Variants in NCAM2 observed in about 807,000 individuals in gnomAD.
The protein encoded by NCAM2 is neural cell adhesion molecule 2.
A neutral mutation model predicts 98.1 loss-of-function variants in NCAM2; 30 were observed. The observed-to-expected ratio is 0.31, with a 90% CI of 0.23 to 0.41. NCAM2 has a LOEUF of 0.41. NCAM2 is among the 10% of genes least tolerant of loss of function. NCAM2 has a pLI of 1.00. For synonymous variants in NCAM2, 368 were observed against 342.4 expected, an observed-to-expected ratio of 1.07 and a Z score of -0.83; for missense variants, 867 against 1,005.8, an observed-to-expected ratio of 0.86 and a Z score of 1.87.
At chr21:21,354,129 C>G (rs2075411020) in intron 8 of NCAM2, among the ~76,000 whole-genome samples, 1 of 152,108 alleles carries the variant, frequency 6.6e-6, no homozygotes, top group Non-Finnish European at 1.5e-5. Context: ...ATTATATCAT[C>G]TAGCAGATGA....
intron 9 of NCAM2, among the ~76,000 whole-genome samples, chr21:21,397,460 G>A (rs937389239): frequency 2.0e-5 from 3 of 152,168 alleles, no homozygotes; most frequent in Non-Finnish European, 2.9e-5. Context: ...GGTGCCCAAT[G>A]TCCAGAGGGG....
At chr21:21,291,215 G>A (rs763571387) in intron 4 of NCAM2, among the ~76,000 whole-genome samples, 1 of 151,862 alleles carries the variant, frequency 6.6e-6, no homozygotes, top group Non-Finnish European at 1.5e-5. Context: ...GAGATCTATG[G>A]ATGTGTTAAT....
intron 16 of NCAM2, among the ~76,000 whole-genome samples, chr21:21,528,070 A>G (rs1989425899): frequency 6.6e-6 from 1 of 152,130 alleles, no homozygotes; most frequent in African/African-American, 2.4e-5. Flanking sequence ...GATGATTATT[A>G]CTAAGTGAAA....
intron 1 of NCAM2, among the ~76,000 whole-genome samples, chr21:21,020,604 C>T (rs1487360575): frequency 3.9e-5 from 6 of 152,204 alleles, no homozygotes; most frequent in Non-Finnish European, 5.9e-5. Context: ...TCAGCTCCCA[C>T]TGATCCAGTC....
chr21:21,056,494 G>T (rs983663750), intron 1 of NCAM2, among the ~76,000 whole-genome samples: 9 of 144,128 alleles, frequency 6.2e-5, no homozygotes, highest in African/African-American at 1.6e-4. Context: ...ATATGTCTGT[G>T]TGTGTGTGTG....
intron 1 of NCAM2, among the ~76,000 whole-genome samples, chr21:21,005,017 GAGAAT>G (rs2146112996): frequency 6.6e-6 from 1 of 152,262 alleles, no homozygotes; most frequent in Non-Finnish European, 1.5e-5. Context: ...GGCGCGTTGA[GAGAAT>G]AGAAATAATC....
At chr21:21,429,108 A>G (rs756959355) in intron 11 of NCAM2, among the ~76,000 whole-genome samples, 2 of 152,176 alleles carry the variant, frequency 1.3e-5, no homozygotes, top group Non-Finnish European at 2.9e-5. Context: ...TAAAAGAAGT[A>G]ATAGAAATAA....
chr21:21,436,308 C>A (rs940590830), intron 12 of NCAM2, among the ~76,000 whole-genome samples: 1 of 152,106 alleles, frequency 6.6e-6, no homozygotes, highest in African/African-American at 2.4e-5. Context: ...CACATTTTCC[C>A]ATCTGACTGA....
At position 21,327,306 on chromosome 21, in the gene NCAM2, C is replaced by CAAAAAAAAAAAAA. The variant is rs11384559; in HGVS notation, c.737+2818_737+2830dup. Among the ~76,000 whole-genome samples, 121 of 82,168 alleles carry CAAAAAAAAAAAAA rather than the reference C, an allele frequency of 1.5e-3. 3 individuals are homozygous for CAAAAAAAAAAAAA. The highest frequency in any genetic ancestry group is 5.0e-3 in the African/African-American group (95 of 18,898). 53.9% of individuals were successfully genotyped at this position (82,168 alleles called of 152,430 possible). A position where few individuals can be genotyped will look rare whatever the true frequency, so the allele number is the denominator to read the frequency against. ...CAGGCAACAGAGCAAGACTCTGTCT[C>CAAAAAAAAAAAAA]AAAAAAAAAAAAAAAAAAAAAAAAT... On this transcript the variant is annotated intron_variant, in intron 6 of 17. Transcript: ENST00000400546.
intron 1 of NCAM2, among the ~76,000 whole-genome samples, chr21:21,051,287 G>T (rs2065103436): frequency 6.6e-6 from 1 of 151,908 alleles, no homozygotes; most frequent in Non-Finnish European, 1.5e-5. Flanking sequence ...GAGTGTCATT[G>T]GGTTTCTGTT....
At chr21:21,101,956 G>T (rs938250426) in intron 1 of NCAM2, among the ~76,000 whole-genome samples, 1 of 151,950 alleles carries the variant, frequency 6.6e-6, no homozygotes, top group African/African-American at 2.4e-5. Flanking sequence ...TGTTTCTGTT[G>T]GGTCTAGCAT....
At chr21:21,291,155 T>A (rs982643953) in intron 4 of NCAM2, among the ~76,000 whole-genome samples, 1 of 151,898 alleles carries the variant, frequency 6.6e-6, no homozygotes, top group Admixed American at 6.6e-5. Flanking sequence ...GTGTCTCTTA[T>A]TCATCAAAGT....
chr21:21,402,678 G>A (rs1478721317), intron 9 of NCAM2, among the ~76,000 whole-genome samples: 1 of 151,954 alleles, frequency 6.6e-6, no homozygotes. Flanking sequence ...TGGTTTTGTG[G>A]CTCAGGTGGG....
At chr21:21,365,481 A>C (rs1350707013) in intron 8 of NCAM2, among the ~76,000 whole-genome samples, 1 of 151,904 alleles carries the variant, frequency 6.6e-6, no homozygotes, top group African/African-American at 2.4e-5. Flanking sequence ...AACATATAGC[A>C]CTCAAAATAT....
At chr21:21,275,581 A>G (rs1887646120) in intron 1 of NCAM2, among the ~76,000 whole-genome samples, 1 of 152,154 alleles carries the variant, frequency 6.6e-6, no homozygotes, top group Admixed American at 6.5e-5. Flanking sequence ...TCGTAGGTAA[A>G]CACTCATAGT....
At chr21:21,113,418 A>G (rs984835559) in intron 1 of NCAM2, among the ~76,000 whole-genome samples, 9 of 152,352 alleles carry the variant, frequency 5.9e-5, no homozygotes, top group African/African-American at 2.2e-4. Flanking sequence ...TTAACGGTGC[A>G]CTATTGGACA....
chr21:21,494,239 TATAAA>T (rs1987053160), intron 15 of NCAM2, among the ~76,000 whole-genome samples: 2 of 151,964 alleles, frequency 1.3e-5, no homozygotes, highest in African/African-American at 2.4e-5. Flanking sequence ...GAAAACAAAT[TATAAA>T]ATATGAACTG....
At chr21:21,143,014 T>A (rs1569069808) in intron 1 of NCAM2, among the ~76,000 whole-genome samples, 1 of 152,192 alleles carries the variant, frequency 6.6e-6, no homozygotes, top group Non-Finnish European at 1.5e-5. Context: ...TTTATAAAAA[T>A]ATTTTTGCCG....
At chr21:21,297,072 C>T (rs1366671638) in intron 5 of NCAM2, among the ~76,000 whole-genome samples, 1 of 151,618 alleles carries the variant, frequency 6.6e-6, no homozygotes, top group East Asian at 1.9e-4. Context: ...TTGGACTTAG[C>T]TATTAAATGG....
Sources: allele counts gnomAD v4.1 joint callset (sites outside exome capture counted in the v4.1 genomes callset), GRCh38; gene constraint gnomAD v4.1.1; transcripts MANE v1.5; gene names NCBI Gene and HGNC (gene_info 2026-07-23, HGNC 2026-07-21).